Variants in CMKLR1 observed in about 807,000 individuals in gnomAD.
The protein encoded by CMKLR1 is chemerin chemokine-like receptor 1, also known as chemerin-like receptor 1.
A neutral mutation model predicts 8.2 loss-of-function variants in CMKLR1; 6 were observed. That is an observed-to-expected ratio of 0.73 (90% confidence interval 0.40 to 1.44). CMKLR1 has a LOEUF of 1.44. Among genes scored for constraint, CMKLR1 ranks in the 40% most tolerant of loss-of-function variants. CMKLR1 has a pLI of 0.02. For missense variants in CMKLR1, 429 were observed against 478.0 expected (o/e 0.90, Z 0.96); for synonymous variants, 178 against 181.2 (o/e 0.98, Z 0.14).
chr12:108,307,126 C>T (rs756044580), intron 2 of CMKLR1, among the ~76,000 whole-genome samples: 6 of 152,202 alleles, frequency 3.9e-5, no homozygotes, highest in East Asian at 1.9e-4. Context: ...AATCCCCTGA[C>T]GTCAGCCTTG....
At chr12:108,325,625 T>A (rs749855562) in intron 2 of CMKLR1, among the ~76,000 whole-genome samples, 106 of 152,258 alleles carry the variant, frequency 7.0e-4, no homozygotes, top group Middle Eastern at 3.4e-3. Context: ...CAGATAACCC[T>A]ATGAGGCAAC....
At chr12:108,315,974 G>C (rs1302262934) in intron 2 of CMKLR1, among the ~76,000 whole-genome samples, 1 of 152,120 alleles carries the variant, frequency 6.6e-6, no homozygotes, top group Non-Finnish European at 1.5e-5. Context: ...AGGAGCAGAC[G>C]CAGGACCAGC....
In CMKLR1 at chr12:108,291,914, T is replaced by A. The variant is rs200431477; in HGVS notation, c.1049A>T (p.His350Leu). The change falls in exon 4 of 4, where the codon CAT becomes CTT. Residue 350 changes from histidine (H) to leucine (L), a missense_variant. Physicochemically the swap from His to Leu is moderately conservative, Grantham distance 99 (BLOSUM62 -3). Coordinates refer to ENST00000550402, the MANE Select transcript of CMKLR1 (RefSeq NM_001142343.2). ...EDTGHSSYPS[H>L]RSFTKMSSMN... Reference sequence around the variant, plus strand: ...TGATGACATCTTGGTAAAGCTTCTATGGCTGGGGTAGGAAGAGTGGCCTGT... The same window carrying A: ...TGATGACATCTTGGTAAAGCTTCTAAGGCTGGGGTAGGAAGAGTGGCCTGT... 1 of 1,614,108 alleles carries A rather than the reference T, an allele frequency of 6.2e-7. No homozygotes were observed. Among genetic ancestry groups the A allele is most frequent in the African/African-American group, 1.3e-5 (1 of 74,942 alleles).
At chr12:108,302,817 G>C (rs1891313052) in intron 2 of CMKLR1, among the ~76,000 whole-genome samples, 1 of 152,182 alleles carries the variant, frequency 6.6e-6, no homozygotes, top group Non-Finnish European at 1.5e-5. Context: ...GGCTCCATGG[G>C]AGAGAGGGTG....
intron 2 of CMKLR1, among the ~76,000 whole-genome samples, chr12:108,327,827 C>T (rs1326507878): frequency 1.3e-5 from 2 of 152,162 alleles, no homozygotes; most frequent in Non-Finnish European, 2.9e-5. Flanking sequence ...CAGTGGGCTT[C>T]CTGGGCCCCG....
chr12:108,315,092 C>T (rs1334280654), intron 2 of CMKLR1, among the ~76,000 whole-genome samples: 2 of 151,790 alleles, frequency 1.3e-5, no homozygotes, highest in African/African-American at 4.9e-5. Context: ...CATGCGCCAC[C>T]ACACCTGGCT....
intron 2 of CMKLR1, among the ~76,000 whole-genome samples, chr12:108,313,994 T>C (rs1006529963): frequency 2.0e-5 from 3 of 152,142 alleles, no homozygotes; most frequent in African/African-American, 7.2e-5. Flanking sequence ...CTTAACCCTT[T>C]GCCAGCCGAC....
chr12:108,327,707 G>A (rs1233301447), intron 2 of CMKLR1, among the ~76,000 whole-genome samples: 1 of 152,242 alleles, frequency 6.6e-6, no homozygotes, highest in East Asian at 1.9e-4. Flanking sequence ...TTGGAGGCGG[G>A]AAGCAGGACT....
chr12:108,327,401 G>A (rs1892003621), intron 2 of CMKLR1, among the ~76,000 whole-genome samples: 1 of 152,096 alleles, frequency 6.6e-6, no homozygotes, highest in Non-Finnish European at 1.5e-5. Flanking sequence ...GATGGCTTGA[G>A]CCCAGGAGTT....
At chr12:108,307,930 C>G (rs1201846695) in intron 2 of CMKLR1, among the ~76,000 whole-genome samples, 1 of 152,202 alleles carries the variant, frequency 6.6e-6, no homozygotes, top group Admixed American at 6.5e-5. Context: ...CCTAGAAAAA[C>G]AGCCAGCCCT....
chr12:108,302,775 A>T (rs1891311709), intron 2 of CMKLR1, among the ~76,000 whole-genome samples: 1 of 152,188 alleles, frequency 6.6e-6, no homozygotes, highest in African/African-American at 2.4e-5. Context: ...AATCCAGCCA[A>T]ATAGCCAGAC....
At chr12:108,293,009 G>C in intron 3 of CMKLR1, 50 bp from the exon 4 acceptor site, 1 of 1,529,552 alleles carries the variant, frequency 6.5e-7, no homozygotes. Context: ...TTGGCTTTAA[G>C]AGGTTGACCA....
chr12:108,338,005 AAAAG>A (rs1300068913), intron 1 of CMKLR1, among the ~76,000 whole-genome samples: 41 of 152,210 alleles, frequency 2.7e-4, no homozygotes, highest in African/African-American at 8.7e-4. Flanking sequence ...CCCTAATAGA[AAAAG>A]AAAGACTCAG....
At chr12:108,317,963 T>A (rs909308307) in intron 2 of CMKLR1, 6 of 152,260 alleles carry the variant, frequency 3.9e-5, no homozygotes, top group African/African-American at 1.4e-4. Flanking sequence ...AACGGAAGTA[T>A]ACTAAACACA....
chr12:108,321,800 T>C (rs1043237116), intron 2 of CMKLR1, among the ~76,000 whole-genome samples: 2 of 152,228 alleles, frequency 1.3e-5, no homozygotes, highest in African/African-American at 4.8e-5. Flanking sequence ...CTCTGCTCAC[T>C]GCCCTGACTG....
At chr12:108,314,741 C>A (rs1264369902) in intron 2 of CMKLR1, among the ~76,000 whole-genome samples, 1 of 152,036 alleles carries the variant, frequency 6.6e-6, no homozygotes, top group Non-Finnish European at 1.5e-5. Context: ...CTTTTTTCCC[C>A]CTCCCTTTTT....
At chr12:108,312,250 C>T (rs1256018147) in intron 2 of CMKLR1, among the ~76,000 whole-genome samples, 1 of 152,254 alleles carries the variant, frequency 6.6e-6, no homozygotes, top group Admixed American at 6.5e-5. Flanking sequence ...GACTTGAACT[C>T]AGATCTGTGA....
Position 108,291,773 on chromosome 12 carries a change from T to A in CMKLR1, c.*68A>T. ...GATGCTAAAGAGGTTCTTGCCTTGA[T>A]CTTCAGAAGACATATCCTTGGGTGT... is the stretch of plus-strand genomic sequence containing the variant. On this transcript the variant is annotated 3_prime_UTR_variant, in exon 4 of 4. Coordinates refer to ENST00000550402, the MANE Select transcript of CMKLR1 (RefSeq NM_001142343.2). 1.4e-6 allele frequency: 2 copies of A among 1,481,292 alleles called. No individual in the cohort carries two copies. The highest frequency in any genetic ancestry group is 1.8e-6 in the Non-Finnish European group (2 of 1,094,858). The allele number at this position is 1,481,292 out of a possible 1,614,324, so 91.8% of individuals were successfully genotyped here.
chr12:108,288,524 C>T lies in CMKLR1; in HGVS notation c.*3317G>A, dbSNP rs114092786. On this transcript the variant is annotated 3_prime_UTR_variant, in exon 4 of 4. Coordinates refer to ENST00000550402, the MANE Select transcript of CMKLR1 (RefSeq NM_001142343.2). ...GCCAATCCCCTCCCTTTGTCAGTGC[C>T]CAGTTTCCTCACCCCTTCTGAACCT... The T allele has an allele frequency of 5.8e-3, 881 of 152,480 alleles. 19 individuals carry two copies. Among genetic ancestry groups the T allele is most frequent in the African/African-American group, 0.02 (849 of 41,576 alleles). The allele number at this position is 152,480 out of a possible 1,614,324, so 9.4% of individuals were successfully genotyped here.
Sources: gnomAD v4.1 joint callset for allele counts (sites outside exome capture counted in the v4.1 genomes callset) on GRCh38, gnomAD v4.1.1 for gene constraint, MANE v1.5 for transcripts, NCBI Gene and HGNC (gene_info 2026-07-23, HGNC 2026-07-21) for gene names.